The following POU3F1 variants were observed in gnomAD, a reference collection of about 807,000 sequenced individuals.
POU3F1 encodes POU class 3 homeobox 1, also known as POU domain, class 3, transcription factor 1.
Under a neutral mutation model 7.6 loss-of-function variants are expected in POU3F1, and 1 was observed. The observed-to-expected ratio is 0.13, with a 90% CI of 0.05 to 0.62. The LOEUF is 0.62. Among genes scored for constraint, POU3F1 ranks in the 20% least tolerant of loss-of-function variants. The pLI is 0.87. For missense variants in POU3F1, 505 were observed against 679.3 expected, an observed-to-expected ratio of 0.74 and a Z score of 2.85; for synonymous variants, 354 against 339.0, an observed-to-expected ratio of 1.04 and a Z score of -0.49.
Position 38,046,138 on chromosome 1 carries a change from C to G in POU3F1, c.606G>C (p.Pro202=). 2.1e-6 allele frequency: 3 copies of G among 1,407,240 alleles called. No individual in the cohort carries two copies. The highest frequency in any genetic ancestry group is 1.8e-6 in the Non-Finnish European group (2 of 1,081,522). The allele number at this position is 1,407,240 out of a possible 1,614,324, so 87.2% of individuals were successfully genotyped here. Residue 202 remains proline, a synonymous_variant, in exon 1 of 1, where the codon CCG becomes CCC. Transcript: ENST00000373012. The surrounding 1 kb of genome is among the most constrained non-coding windows in gnomAD (Gnocchi z 9.5). The stretch of plus-strand genomic sequence containing the variant: ...GGGCGCCCAGATGCGGCGGCGGCGA[C>G]GGCTCCAGCTGCGCCTCGTGGCCAT... ...HEDGHEAQLE[P]SPPPHLGAHG...
Position 38,043,916 on chromosome 1 carries a change from TAA to T in POU3F1, c.*1470_*1471del, listed in dbSNP as rs1410149695. Among the ~76,000 whole-genome samples the T allele has an allele frequency of 2.0e-5, 3 of 151,824 alleles. No individual in the cohort carries two copies. Among genetic ancestry groups the T allele is most frequent in the Non-Finnish European group, 4.4e-5 (3 of 67,948 alleles). On this transcript the variant is annotated 3_prime_UTR_variant, in exon 1 of 1. Coordinates refer to ENST00000373012, the MANE Select transcript of POU3F1 (RefSeq NM_002699.4). The surrounding 1 kb of genome is among the most constrained non-coding windows in gnomAD (Gnocchi z 4.5). ...CCAGTCTACATTATTTTTTTTTCAATAAAGATACAAAGAGAATGCACCGAAAC... is the reference window on the plus strand; with the variant it reads ...CCAGTCTACATTATTTTTTTTTCAATAGATACAAAGAGAATGCACCGAAAC...
Position 38,046,451 on chromosome 1 carries a change from C to T in POU3F1, c.293G>A (p.Gly98Asp). Reference sequence around the variant, plus strand: ...GCCGTCGTCGGCTCGGCCGGTGCCGCCGCCGCCTGCCTTGCCGTGTTCTAG... The same window carrying T: ...GCCGTCGTCGGCTCGGCCGGTGCCGTCGCCGCCTGCCTTGCCGTGTTCTAG... ...PHLEHGKAGGGGTGRADDGGG... is the reference protein window; with the variant it reads ...PHLEHGKAGGDGTGRADDGGG... The change falls in exon 1 of 1, where the codon GGC becomes GAC. Residue 98 changes from glycine (G) to aspartate (D), a missense_variant. Gly to Asp is a moderately conservative substitution (Grantham distance 94, BLOSUM62 -1). This residue lies in a region of POU3F1 where 361 missense variants were observed against 382.1 expected (regional missense o/e 0.94). Coordinates refer to ENST00000373012, the MANE Select transcript of POU3F1 (RefSeq NM_002699.4). This position sits in a 1 kb window ranked among gnomAD's most constrained non-coding sequence, Gnocchi z 9.5. 1 of 1,331,204 alleles carries T rather than the reference C, an allele frequency of 7.5e-7. No homozygotes were observed. The highest frequency in any genetic ancestry group is 1.8e-5 in the South Asian group (1 of 55,636). The allele number at this position is 1,331,204 out of a possible 1,614,324, so 82.5% of individuals were successfully genotyped here.
At position 38,046,073 on chromosome 1, in the gene POU3F1, T is replaced by A; in HGVS notation, c.671A>T (p.His224Leu). Residue 224 changes from histidine (H) to leucine (L), a missense_variant, in exon 1 of 1, where the codon CAC becomes CTC. Coordinates refer to ENST00000373012, the MANE Select transcript of POU3F1 (RefSeq NM_002699.4). This position sits in a 1 kb window ranked among gnomAD's most constrained non-coding sequence, Gnocchi z 9.5. ...AHGHAHAGGLHAAAAHLHPGA... is the reference protein window; with the variant it reads ...AHGHAHAGGLLAAAAHLHPGA... Reference sequence around the variant, plus strand: ...CGGGTGCAGGTGCGCCGCCGCCGCGTGCAGGCCGCCCGCGTGTGCATGTCC... The same window carrying A: ...CGGGTGCAGGTGCGCCGCCGCCGCGAGCAGGCCGCCCGCGTGTGCATGTCC... 1 of 1,442,730 alleles carries A rather than the reference T, an allele frequency of 6.9e-7. No individual in the cohort carries two copies. Among genetic ancestry groups the A allele is most frequent in the Non-Finnish European group, 9.0e-7 (1 of 1,106,936 alleles). The allele number at this position is 1,442,730 out of a possible 1,614,324, so 89.4% of individuals were successfully genotyped here. A position where few individuals can be genotyped will look rare whatever the true frequency, so the allele number is the denominator to read the frequency against.
At position 38,046,658 on chromosome 1, in the gene POU3F1, GCC is replaced by G; in HGVS notation, c.84_85del (p.Ala29GlyfsTer257). 1.5e-6 allele frequency: 2 copies of G among 1,294,502 alleles called. No homozygotes were observed. Among genetic ancestry groups the G allele is most frequent in the Non-Finnish European group, 9.8e-7 (1 of 1,019,708 alleles). 80.2% of individuals were successfully genotyped at this position (1,294,502 alleles called of 1,614,324 possible). A position where few individuals can be genotyped will look rare whatever the true frequency, so the allele number is the denominator to read the frequency against. The stretch of plus-strand genomic sequence containing the variant: ...CGCGGCCGCCGCCGCCGCCGCCGCC[GCC>G]GCGGCGTCCGGGTGCATAAGCGGCC... On this transcript the variant is annotated frameshift_variant, in exon 1 of 1. Transcript: ENST00000373012. LOFTEE classifies it low-confidence loss of function (END_TRUNC). This position sits in a 1 kb window ranked among gnomAD's most constrained non-coding sequence, Gnocchi z 9.5.
At position 38,046,249 on chromosome 1, in the gene POU3F1, C is replaced by A; in HGVS notation, c.495G>T (p.Pro165=). 9.3e-7 allele frequency: 1 copy of A among 1,073,184 alleles called. No homozygotes were observed. The highest frequency in any genetic ancestry group is 1.1e-6 in the Non-Finnish European group (1 of 891,776). 66.5% of individuals were successfully genotyped at this position (1,073,184 alleles called of 1,614,324 possible). A position where few individuals can be genotyped will look rare whatever the true frequency, so the allele number is the denominator to read the frequency against. Residue 165 remains proline (P), a synonymous_variant, in exon 1 of 1, where the codon CCG becomes CCT. Transcript: ENST00000373012. The surrounding 1 kb of genome is among the most constrained non-coding windows in gnomAD (Gnocchi z 9.5). Reference sequence around the variant, plus strand: ...CGGCCAGGCCGCCGCCGCCGCCCCCCGGGTAGGCCGCCTGCGCGTACAGCC... The same window carrying A: ...CGGCCAGGCCGCCGCCGCCGCCCCCAGGGTAGGCCGCCTGCGCGTACAGCC... ...PLGLYAQAAY[P]GGGGGGLAGM... is the part of the protein sequence containing the mutation.
rs1646845984 is a variant in POU3F1 at position 38,044,385 on chromosome 1, C to CTA, written c.*1001_*1002dup. Among the ~76,000 whole-genome samples, 1 of 152,264 alleles carries CTA rather than the reference C, an allele frequency of 6.6e-6. No individual in the cohort carries two copies. The highest frequency in any genetic ancestry group is 6.5e-5 in the Admixed American group (1 of 15,290). ...TACAGCTGGTTAAAAAACAATCTCT[C>CTA]TAACTTTTCCAAGTTTCGTTTGGTG... On this transcript the variant is annotated 3_prime_UTR_variant, in exon 1 of 1. Transcript: ENST00000373012.
In POU3F1 at chr1:38,045,411, T is replaced by TGTGGTG. The variant is rs1162178001; in HGVS notation, c.1327_1332dup (p.His443_His444dup). ...GGTCACTGCACTGAGCCGGGCAGTGTGTGGTGGTGGTGGTGGTGCAGCGCC... is the reference window on the plus strand; with the variant it reads ...GGTCACTGCACTGAGCCGGGCAGTGTGTGGTGGTGGTGGTGGTGGTGGTGCAGCGCC... On this transcript the variant is annotated inframe_insertion, in exon 1 of 1. Coordinates refer to ENST00000373012, the MANE Select transcript of POU3F1 (RefSeq NM_002699.4). This position sits in a 1 kb window ranked among gnomAD's most constrained non-coding sequence, Gnocchi z 9.4. The TGTGGTG allele has an allele frequency of 8.5e-6, 12 of 1,419,142 alleles. No individual in the cohort carries two copies. The highest frequency in any genetic ancestry group is 2.6e-5 in the East Asian group (1 of 38,444). The allele number at this position is 1,419,142 out of a possible 1,614,324, so 87.9% of individuals were successfully genotyped here.
chr1:38,045,472 T>C lies in POU3F1; in HGVS notation c.1272A>G (p.Ala424=). Residue 424 remains alanine, a synonymous_variant, in exon 1 of 1, where the codon GCA becomes GCG. Coordinates refer to ENST00000373012, the MANE Select transcript of POU3F1 (RefSeq NM_002699.4). This position sits in a 1 kb window ranked among gnomAD's most constrained non-coding sequence, Gnocchi z 9.4. Reference sequence around the variant, plus strand: ...GCGGTGGGGGCGCGGAGGGTGGCGATGCGCCGCCCCCGCCAGGCCCTAGCT... The same window carrying C: ...GCGGTGGGGGCGCGGAGGGTGGCGACGCGCCGCCCCCGCCAGGCCCTAGCT... ...PGELGPGGGG[A]SPPSAPPPPP... is the part of the protein sequence containing the mutation. 6.8e-7 allele frequency: 1 copy of C among 1,464,220 alleles called. No homozygotes were observed. The allele number at this position is 1,464,220 out of a possible 1,614,324, so 90.7% of individuals were successfully genotyped here.
rs2148747027 is a variant in POU3F1, at chr1:38,046,705, A to C, written c.39T>G (p.Gly13=). The change falls in exon 1 of 1, where the codon GGT becomes GGG. Residue 13 remains glycine (G), a synonymous_variant. Coordinates refer to ENST00000373012, the MANE Select transcript of POU3F1 (RefSeq NM_002699.4). The surrounding 1 kb of genome is among the most constrained non-coding windows in gnomAD (Gnocchi z 9.5). Reference sequence around the variant, plus strand: ...GCGGCCCGGTGCCCCCGGCTCCGCCACCGGGGCCCCGCGGCAGGTACTGCG... The same window carrying C: ...GCGGCCCGGTGCCCCCGGCTCCGCCCCCGGGGCCCCGCGGCAGGTACTGCG... The part of the protein sequence containing the change: ...TTAQYLPRGP[G]GGAGGTGPLM... The C allele has an allele frequency of 8.6e-7, 1 of 1,165,378 alleles. No homozygotes were observed. Among genetic ancestry groups the C allele is most frequent in the Non-Finnish European group, 1.0e-6 (1 of 953,540 alleles). The allele number at this position is 1,165,378 out of a possible 1,614,324, so 72.2% of individuals were successfully genotyped here.
rs745991662 is a variant in POU3F1 at position 38,046,681 on chromosome 1, C to A, written c.63G>T (p.Pro21=). The A allele has an allele frequency of 2.5e-6, 3 of 1,217,540 alleles. No homozygotes were observed. The highest frequency in any genetic ancestry group is 3.2e-5 in the African/African-American group (2 of 61,764). 75.4% of individuals were successfully genotyped at this position (1,217,540 alleles called of 1,614,324 possible). A position where few individuals can be genotyped will look rare whatever the true frequency, so the allele number is the denominator to read the frequency against. ...GPGGGAGGTG[P]LMHPDAAAAA... The stretch of plus-strand genomic sequence containing the variant: ...CCGCCGCGGCGTCCGGGTGCATAAG[C>A]GGCCCGGTGCCCCCGGCTCCGCCAC... Residue 21 remains proline (P), a synonymous_variant, in exon 1 of 1, where the codon CCG becomes CCT. Coordinates refer to ENST00000373012, the MANE Select transcript of POU3F1 (RefSeq NM_002699.4). The surrounding 1 kb of genome is among the most constrained non-coding windows in gnomAD (Gnocchi z 9.5).
At position 38,046,398 on chromosome 1, in the gene POU3F1, G is replaced by A. The variant is rs537413615; in HGVS notation, c.346C>T (p.Leu116=). 23 of 1,254,024 alleles carry A rather than the reference G, an allele frequency of 1.8e-5. No homozygotes were observed. The South Asian group carries it at 3.5e-4, about 19-fold the overall frequency. 77.7% of individuals were successfully genotyped at this position (1,254,024 alleles called of 1,614,324 possible). Residue 116 remains leucine (L), a synonymous_variant, in exon 1 of 1, where the codon CTG becomes TTG. Transcript: ENST00000373012. The surrounding 1 kb of genome is among the most constrained non-coding windows in gnomAD (Gnocchi z 9.5). ...GCGTGGGCCGCCCCCTGGTGCACCAGGCGCGCGTGGAAACCTCCGCCGCCG... is the reference window on the plus strand; with the variant it reads ...GCGTGGGCCGCCCCCTGGTGCACCAAGCGCGCGTGGAAACCTCCGCCGCCG... ...GGGGGGFHAR[L]VHQGAAHAGA...
Position 38,046,342 on chromosome 1 carries a change from C to A in POU3F1, c.402G>T (p.Ala134=). The part of the protein sequence containing the change: ...AGAAWAQGST[A]HHLGPAMSPS... ...GCGACATGGCCGGGCCCAAGTGGTGCGCTGTGCTGCCCTGCGCCCATGCCG... is the reference window on the plus strand; with the variant it reads ...GCGACATGGCCGGGCCCAAGTGGTGAGCTGTGCTGCCCTGCGCCCATGCCG... Residue 134 remains alanine (A), a synonymous_variant, in exon 1 of 1, where the codon GCG becomes GCT. Coordinates refer to ENST00000373012, the MANE Select transcript of POU3F1 (RefSeq NM_002699.4). This position sits in a 1 kb window ranked among gnomAD's most constrained non-coding sequence, Gnocchi z 9.5. 1 of 1,220,502 alleles carries A rather than the reference C, an allele frequency of 8.2e-7. No homozygotes were observed. Among genetic ancestry groups the A allele is most frequent in the South Asian group, 2.9e-5 (1 of 34,594 alleles). The allele number at this position is 1,220,502 out of a possible 1,614,324, so 75.6% of individuals were successfully genotyped here.
chr1:38,044,516 C>T lies in POU3F1; in HGVS notation c.*872G>A, dbSNP rs1030486655. The T allele has an allele frequency of 6.6e-6, 1 of 152,618 alleles. No homozygotes were observed. Among genetic ancestry groups the T allele is most frequent in the Non-Finnish European group, 1.5e-5 (1 of 68,040 alleles). The allele number at this position is 152,618 out of a possible 1,614,324, so 9.5% of individuals were successfully genotyped here. A position where few individuals can be genotyped will look rare whatever the true frequency, so the allele number is the denominator to read the frequency against. On this transcript the variant is annotated 3_prime_UTR_variant, in exon 1 of 1. Transcript: ENST00000373012. The stretch of plus-strand genomic sequence containing the variant: ...CCGTCTGGGTGTGTGGGAGCGCAGA[C>T]CCCTCCGGCGTGGCCGGGAACCAAG...
rs1393438157 is a variant in POU3F1 at position 38,046,782 on chromosome 1, C to A, written c.-39G>T. 16 of 985,292 alleles carry A rather than the reference C, an allele frequency of 1.6e-5. No homozygotes were observed. Among genetic ancestry groups the A allele is most frequent in the Non-Finnish European group, 1.9e-5 (16 of 831,094 alleles). 61.0% of individuals were successfully genotyped at this position (985,292 alleles called of 1,614,324 possible). ...CTGCGCCGCGCCGCCGCCGCCGCTC[C>A]GCTCCGTCTGCGGGCCCCGCCGCCT... is the stretch of plus-strand genomic sequence containing the variant. On this transcript the variant is annotated 5_prime_UTR_variant, in exon 1 of 1. Transcript: ENST00000373012. This position sits in a 1 kb window ranked among gnomAD's most constrained non-coding sequence, Gnocchi z 9.5.
In POU3F1 at chr1:38,045,385, G is replaced by A; in HGVS notation, c.*3C>T. 1 of 1,210,176 alleles carries A rather than the reference G, an allele frequency of 8.3e-7. No individual in the cohort carries two copies. The highest frequency in any genetic ancestry group is 1.0e-6 in the Non-Finnish European group (1 of 972,864). The allele number at this position is 1,210,176 out of a possible 1,614,324, so 75.0% of individuals were successfully genotyped here. On this transcript the variant is annotated 3_prime_UTR_variant, in exon 1 of 1. Transcript: ENST00000373012. The surrounding 1 kb of genome is among the most constrained non-coding windows in gnomAD (Gnocchi z 9.4). ...CGCGCCGGCGGGGGCCCGGCCCGCG[G>A]GGTCACTGCACTGAGCCGGGCAGTG...
At position 38,045,247 on chromosome 1, in the gene POU3F1, T is replaced by G; in HGVS notation, c.*141A>C. ...CGCTCACCGGAGAGGGTCGTCCGGG[T>G]GTTTGGTTTTGTTCGAAAGTTTCTG... On this transcript the variant is annotated 3_prime_UTR_variant, in exon 1 of 1. Coordinates refer to ENST00000373012, the MANE Select transcript of POU3F1 (RefSeq NM_002699.4). This position sits in a 1 kb window ranked among gnomAD's most constrained non-coding sequence, Gnocchi z 9.4. The G allele has an allele frequency of 1.3e-4, 31 of 230,732 alleles. No individual in the cohort carries two copies. Among genetic ancestry groups the G allele is most frequent in the South Asian group, 3.3e-4 (2 of 6,146 alleles). 14.3% of individuals were successfully genotyped at this position (230,732 alleles called of 1,614,324 possible).
rs1332636137 is a variant in POU3F1 at position 38,046,031 on chromosome 1, C to T, written c.713G>A (p.Gly238Asp). ...AHLHPGAGGG[G>D]SSVGEHSDED... The stretch of plus-strand genomic sequence containing the variant: ...GTCCGAGTGCTCGCCCACCGATGAG[C>T]CGCCGCCGCCCGCGCCCGGGTGCAG... Residue 238 changes from glycine (G) to aspartate (D), a missense_variant, in exon 1 of 1, where the codon GGC (glycine) becomes GAC (aspartate). By Grantham distance (94) the Gly-to-Asp change is moderately conservative (BLOSUM62 -1). Transcript: ENST00000373012. The surrounding 1 kb of genome is among the most constrained non-coding windows in gnomAD (Gnocchi z 9.5). 6.4e-7 allele frequency: 1 copy of T among 1,567,174 alleles called. No individual in the cohort carries two copies. Among genetic ancestry groups the T allele is most frequent in the Non-Finnish European group, 8.6e-7 (1 of 1,161,078 alleles).
Position 38,045,779 on chromosome 1 carries a change from G to C in POU3F1, c.965C>G (p.Ser322Trp). Residue 322 changes from serine to tryptophan, a missense_variant, in exon 1 of 1, where the codon TCG becomes TGG. Transcript: ENST00000373012. The surrounding 1 kb of genome is among the most constrained non-coding windows in gnomAD (Gnocchi z 9.4). Reference sequence around the variant, plus strand: ...CAGGTTGGTGGGGCTGCCGCTGGACGAGTCGGTCTCCTCCAGCCACTTGTT... The same window carrying C: ...CAGGTTGGTGGGGCTGCCGCTGGACCAGTCGGTCTCCTCCAGCCACTTGTT... ...LLNKWLEETD[S>W]SSGSPTNLDK... is the part of the protein sequence containing the mutation. The C allele has an allele frequency of 6.2e-7, 1 of 1,613,870 alleles. No individual in the cohort carries two copies.
Position 38,045,366 on chromosome 1 carries a change from GGC to G in POU3F1, c.*20_*21del. 2 of 1,146,962 alleles carry G rather than the reference GGC, an allele frequency of 1.7e-6. No individual in the cohort carries two copies. Among genetic ancestry groups the G allele is most frequent in the Non-Finnish European group, 2.2e-6 (2 of 926,068 alleles). 71.0% of individuals were successfully genotyped at this position (1,146,962 alleles called of 1,614,324 possible). ...GCGCGCCCGCGCCCTGCAGCGCGCC[GGC>G]GGGGGCCCGGCCCGCGGGGTCACTG... On this transcript the variant is annotated 3_prime_UTR_variant, in exon 1 of 1. Coordinates refer to ENST00000373012, the MANE Select transcript of POU3F1 (RefSeq NM_002699.4). The surrounding 1 kb of genome is among the most constrained non-coding windows in gnomAD (Gnocchi z 9.4).
Sources: gnomAD v4.1 joint callset for allele counts (sites outside exome capture counted in the v4.1 genomes callset) on GRCh38, gnomAD v4.1.1 for gene constraint, gnomAD v4.1.1 regional missense constraint, Gnocchi (gnomAD v3.1) non-coding constraint, MANE v1.5 for transcripts, NCBI Gene and HGNC (gene_info 2026-07-23, HGNC 2026-07-21) for gene names.